Variants in ZNF280A observed in about 807,000 individuals in gnomAD.
The protein encoded by ZNF280A is zinc finger protein 280A.
ZNF280A carries 26 observed loss-of-function variants against 35.9 expected under a neutral mutation model. The observed-to-expected ratio is 0.72, with a 90% CI of 0.53 to 1.01. The LOEUF (loss-of-function observed/expected upper bound fraction) is 1.01, where lower values mean the gene tolerates loss of function less well. Among genes scored for constraint, ZNF280A ranks in the 50% least tolerant of loss-of-function variants. The pLI, the probability that ZNF280A is intolerant of heterozygous loss-of-function variation, is 0.00. For missense variants in ZNF280A, 654 were observed against 652.0 expected, an observed-to-expected ratio of 1.00 and a Z score of -0.03; for synonymous variants, 231 against 232.9, an observed-to-expected ratio of 0.99 and a Z score of 0.07.
Position 22,515,051 on chromosome 22 carries a change from C to A in ZNF280A, c.580G>T (p.Ala194Ser), listed in dbSNP as rs754183635. ...RDGIPGVPSL[A>S]VVPSDMSSTI... ...GAAGACATATCTGAAGGGACCACAG[C>A]TAAAGAAGGTACCCCTGGGATTCCA... The change falls in exon 2 of 2, where the codon GCT (alanine) becomes TCT (serine). Residue 194 changes from alanine to serine, a missense_variant. Physicochemically the swap from Ala to Ser is moderately conservative, Grantham distance 99. Coordinates refer to ENST00000302097, the MANE Select transcript of ZNF280A (RefSeq NM_080740.5). 6.1e-5 allele frequency: 98 copies of A among 1,613,814 alleles called. No homozygotes were observed. Among genetic ancestry groups the A allele is most frequent in the Non-Finnish European group, 8.1e-5 (95 of 1,179,986 alleles).
In ZNF280A at chr22:22,515,813, C is replaced by T. The variant is rs530617471; in HGVS notation, c.-71-112G>A. On this transcript the variant is annotated intron_variant, in intron 1 of 1. Transcript: ENST00000302097. ...TAACCATCAACATCTCTATTTTACA[C>T]GTCAGAAATGAGGCTTGAAACATTT... 5.6e-5 allele frequency: 56 copies of T among 1,006,068 alleles called. 1 individual carries two copies. In the South Asian group the frequency reaches 6.1e-4, roughly 11 times the overall value. The allele number at this position is 1,006,068 out of a possible 1,614,324, so 62.3% of individuals were successfully genotyped here. A position where few individuals can be genotyped will look rare whatever the true frequency, so the allele number is the denominator to read the frequency against.
Position 22,515,180 on chromosome 22 carries a change from C to T in ZNF280A, c.451G>A (p.Ala151Thr), listed in dbSNP as rs764496409. 6 of 1,613,904 alleles carry T rather than the reference C, an allele frequency of 3.7e-6. No homozygotes were observed. Among genetic ancestry groups the T allele is most frequent in the East Asian group, 2.2e-5 (1 of 44,796 alleles). Residue 151 changes from alanine (A) to threonine (T), a missense_variant, in exon 2 of 2, where the codon GCT becomes ACT. Physicochemically the swap from Ala to Thr is moderately conservative, Grantham distance 58. Transcript: ENST00000302097. ...TTTCTGCCTCCTCCAGAGACCATAG[C>T]TCCAACTAGACACTGAGTCCCTGGG... is the stretch of plus-strand genomic sequence containing the variant. ...LPPGTQCLVGAMVSGGGRNES... is the reference protein window; with the variant it reads ...LPPGTQCLVGTMVSGGGRNES...
rs1485010515 is a variant in ZNF280A at position 22,514,587 on chromosome 22, C to G, written c.1044G>C (p.Gln348His). ...HCHRQFPTPF[Q>H]LQCHIDSVHI... ...GTACACTATCAATGTGACACTGTAG[C>G]TGGAAGGGAGTGGGAAACTGCCGGT... Residue 348 changes from glutamine (Q) to histidine (H), a missense_variant, in exon 2 of 2, where the codon CAG becomes CAC. By Grantham distance (24) the Gln-to-His change is conservative. Coordinates refer to ENST00000302097, the MANE Select transcript of ZNF280A (RefSeq NM_080740.5). 6.2e-7 allele frequency: 1 copy of G among 1,613,944 alleles called. No individual in the cohort carries two copies. The highest frequency in any genetic ancestry group is 1.7e-5 in the Admixed American group (1 of 59,986).
rs1389058498 is a variant in ZNF280A, at chr22:22,514,104, A to G, written c.1527T>C (p.Ile509=). Residue 509 remains isoleucine, a synonymous_variant, in exon 2 of 2, where the codon ATT becomes ATC. Coordinates refer to ENST00000302097, the MANE Select transcript of ZNF280A (RefSeq NM_080740.5). ...QPGSSGMASV[I]VSNTDPQSSP... is the part of the protein sequence containing the mutation. ...AAGACTGAGGGTCAGTGTTGCTAAC[A>G]ATAACGGAAGCCATACCACTTGATC... 1.2e-6 allele frequency: 2 copies of G among 1,613,944 alleles called. No homozygotes were observed. Among genetic ancestry groups the G allele is most frequent in the Admixed American group, 1.7e-5 (1 of 60,002 alleles).
intron 1 of ZNF280A, among the ~76,000 whole-genome samples, chr22:22,518,985 C>G (rs1298081969): frequency 6.6e-6 from 1 of 151,710 alleles, no homozygotes; most frequent in African/African-American, 2.4e-5. Flanking sequence ...TGTTCCAAGA[C>G]CCCCGAAGTG....
Position 22,514,094 on chromosome 22 carries a change from T to G in ZNF280A, c.1537A>C (p.Thr513Pro), listed in dbSNP as rs531086552. 6.2e-7 allele frequency: 1 copy of G among 1,613,936 alleles called. No individual in the cohort carries two copies. The highest frequency in any genetic ancestry group is 8.5e-7 in the Non-Finnish European group (1 of 1,179,970). ...SGMASVIVSNTDPQSSPVKTK... is the reference protein window; with the variant it reads ...SGMASVIVSNPDPQSSPVKTK... ...TTTACAGGAGAAGACTGAGGGTCAG[T>G]GTTGCTAACAATAACGGAAGCCATA... The change falls in exon 2 of 2, where the codon ACT (threonine) becomes CCT (proline). Residue 513 changes from threonine (T) to proline (P), a missense_variant. Physicochemically the swap from Thr to Pro is conservative, Grantham distance 38 (BLOSUM62 -1). Coordinates refer to ENST00000302097, the MANE Select transcript of ZNF280A (RefSeq NM_080740.5).
chr22:22,515,765 T>C, intron 1 of ZNF280A, 64 bp from the exon 2 acceptor site: 1 of 1,376,788 alleles, frequency 7.3e-7, no homozygotes, highest in Non-Finnish European at 9.5e-7. Context: ...TACTTTATTG[T>C]ATCCTCCCTT....
In ZNF280A at chr22:22,515,483, C is replaced by T. The variant is rs577671439; in HGVS notation, c.148G>A (p.Gly50Arg). 39 of 1,613,774 alleles carry T rather than the reference C, an allele frequency of 2.4e-5. No individual in the cohort carries two copies. In the Admixed American group the frequency reaches 3.3e-4, roughly 14 times the overall value. ...ACTGGTTTTGAATTTGAAATCATCC[C>T]GACAAAGAGAACTTCAGCATCTCTA... ...VHRDAEVLFV[G>R]MISNSKPVVS... is the part of the protein sequence containing the mutation. The change falls in exon 2 of 2, where the codon GGG (glycine) becomes AGG (arginine). Residue 50 changes from glycine (G) to arginine (R), a missense_variant. Gly to Arg is a moderately radical substitution (Grantham distance 125). Coordinates refer to ENST00000302097, the MANE Select transcript of ZNF280A (RefSeq NM_080740.5).
rs200293264 is a variant in ZNF280A at position 22,514,506 on chromosome 22, T to G, written c.1125A>C (p.Thr375=). The G allele has an allele frequency of 9.4e-5, 152 of 1,613,852 alleles. No individual in the cohort carries two copies. Among genetic ancestry groups the G allele is most frequent in the Non-Finnish European group, 1.2e-4 (143 of 1,180,004 alleles). The change falls in exon 2 of 2, where the codon ACA becomes ACC. Residue 375 remains threonine (T), a synonymous_variant. Transcript: ENST00000302097. ...TCATGTGTTGTAAGAGGACCTGATC[T>G]GTTTCAAATGACAATTCACAGATTT... ...VCKICELSFE[T]DQVLLQHMKD... is the part of the protein sequence containing the mutation.
At chr22:22,516,858 C>T (rs1021404380) in intron 1 of ZNF280A, among the ~76,000 whole-genome samples, 1 of 151,858 alleles carries the variant, frequency 6.6e-6, no homozygotes, top group Non-Finnish European at 1.5e-5. Context: ...CCCATCTGGG[C>T]TCCTGGTCTG....
Position 22,514,014 on chromosome 22 carries a change from C to G in ZNF280A, c.1617G>C (p.Lys539Asn), listed in dbSNP as rs1446580915. Residue 539 changes from lysine (K) to asparagine (N), a missense_variant, in exon 2 of 2, where the codon AAG becomes AAC. Coordinates refer to ENST00000302097, the MANE Select transcript of ZNF280A (RefSeq NM_080740.5). Reference sequence around the variant, plus strand: ...GTCGAACATATTTTCAGCTAGAATCCTTGCTGCAAGGGAGTCTGGAATCTC... The same window carrying G: ...GTCGAACATATTTTCAGCTAGAATCGTTGCTGCAAGGGAGTCTGGAATCTC... ...NTRDSRLPCSKDSS is the reference protein window; with the variant it reads ...NTRDSRLPCSNDSS The G allele has an allele frequency of 1.9e-6, 3 of 1,551,376 alleles. No homozygotes were observed. The highest frequency in any genetic ancestry group is 1.4e-5 in the African/African-American group (1 of 72,332).
At position 22,518,507 on chromosome 22, in the gene ZNF280A, C is replaced by T. The variant is rs193007283; in HGVS notation, c.-72+1582G>A. ...GGGGGAATAAACATGCAAAAGGAAG[C>T]GGGGCGCGGTGGCTCACGCCTGTAA... is the stretch of plus-strand genomic sequence containing the variant. On this transcript the variant is annotated intron_variant, in intron 1 of 1. Transcript: ENST00000302097. Among the ~76,000 whole-genome samples the T allele has an allele frequency of 4.0e-3, 612 of 151,538 alleles. 6 individuals are homozygous for T. Among genetic ancestry groups the T allele is most frequent in the South Asian group, 0.023 (109 of 4,776 alleles).
chr22:22,519,369 G>A (rs577297305), intron 1 of ZNF280A, among the ~76,000 whole-genome samples: 32 of 151,978 alleles, frequency 2.1e-4, no homozygotes, highest in Non-Finnish European at 2.9e-4. Context: ...GGAGGCGTGG[G>A]TTGCAGTGAG....
At chr22:22,519,542 T>G (rs2062115591) in intron 1 of ZNF280A, among the ~76,000 whole-genome samples, 1 of 152,032 alleles carries the variant, frequency 6.6e-6, no homozygotes, top group Admixed American at 6.6e-5. Context: ...CGATTTTGTT[T>G]TCTTTCCTTA....
rs764569296 is a variant in ZNF280A, at chr22:22,515,234, C to T, written c.397G>A (p.Val133Ile). The T allele has an allele frequency of 5.0e-6, 8 of 1,613,722 alleles. No homozygotes were observed. The South Asian group carries it at 6.6e-5, about 13-fold the overall frequency. ...PGYKMSSPQV[V>I]SPSSSDSLPP... is the part of the protein sequence containing the mutation. ...AGCGAGTCTGAGGAACTGGGAGAAA[C>T]AACTTGTGGTGAGCTCATTTTATAA... is the stretch of plus-strand genomic sequence containing the variant. The change falls in exon 2 of 2, where the codon GTT becomes ATT. Residue 133 changes from valine (V) to isoleucine (I), a missense_variant. Physicochemically the swap from Val to Ile is conservative, Grantham distance 29 (BLOSUM62 3). Coordinates refer to ENST00000302097, the MANE Select transcript of ZNF280A (RefSeq NM_080740.5).
chr22:22,518,495 T>C (rs362015), intron 1 of ZNF280A, among the ~76,000 whole-genome samples: 75,626 of 151,128 alleles, frequency 0.5, 21,053 homozygotes, highest in African/African-American at 0.74. Flanking sequence ...GGAATAAACA[T>C]GCAAAAGGAA....
Position 22,514,329 on chromosome 22 carries a change from A to G in ZNF280A, c.1302T>C (p.Thr434=), listed in dbSNP as rs2062042944. ...AACAATGATTCATGTATGGTATTGC[A>G]GTTTTGAAAAGTTTGAGACAAAACA... ...LCLFCLKLFK[T]AIPYMNHCWR... is the part of the protein sequence containing the mutation. The change falls in exon 2 of 2, where the codon ACT becomes ACC. Residue 434 remains threonine (T), a synonymous_variant. Transcript: ENST00000302097. The G allele has an allele frequency of 1.9e-6, 3 of 1,613,922 alleles. No individual in the cohort carries two copies. The highest frequency in any genetic ancestry group is 1.7e-6 in the Non-Finnish European group (2 of 1,179,978).
At position 22,514,178 on chromosome 22, in the gene ZNF280A, C is replaced by T; in HGVS notation, c.1453G>A (p.Gly485Arg). ...ATAACTTTTGTTTCACTAGGCAACCCTTGCAGTTGCTCCGGCTTTTTAAAT... is the reference window on the plus strand; with the variant it reads ...ATAACTTTTGTTTCACTAGGCAACCTTTGCAGTTGCTCCGGCTTTTTAAAT... ...QTFKKPEQLQ[G>R]LPSETKVIIQ... is the part of the protein sequence containing the mutation. Residue 485 changes from glycine (G) to arginine (R), a missense_variant, in exon 2 of 2, where the codon GGG becomes AGG. Gly to Arg is a moderately radical substitution (Grantham distance 125, BLOSUM62 -2). Coordinates refer to ENST00000302097, the MANE Select transcript of ZNF280A (RefSeq NM_080740.5). 6.2e-7 allele frequency: 1 copy of T among 1,613,766 alleles called. No homozygotes were observed. Among genetic ancestry groups the T allele is most frequent in the East Asian group, 2.2e-5 (1 of 44,802 alleles).
chr22:22,514,270 G>A lies in ZNF280A; in HGVS notation c.1361C>T (p.Ser454Phe). ...RHSRRRVLQCSKCRLQFLTLK... is the reference protein window; with the variant it reads ...RHSRRRVLQCFKCRLQFLTLK... ...CGTCAAAAACTGTAGCCGGCACTTG[G>A]AACACTGAAGGACCCTCCTTCTGCT... The change falls in exon 2 of 2, where the codon TCC becomes TTC. Residue 454 changes from serine (S) to phenylalanine (F), a missense_variant. Coordinates refer to ENST00000302097, the MANE Select transcript of ZNF280A (RefSeq NM_080740.5). 4 of 1,613,650 alleles carry A rather than the reference G, an allele frequency of 2.5e-6. No homozygotes were observed. The highest frequency in any genetic ancestry group is 3.4e-6 in the Non-Finnish European group (4 of 1,179,804).
Sources: gnomAD v4.1 joint callset for allele counts (sites outside exome capture counted in the v4.1 genomes callset) on GRCh38, gnomAD v4.1.1 for gene constraint, MANE v1.5 for transcripts, NCBI Gene and HGNC (gene_info 2026-07-23, HGNC 2026-07-21) for gene names.